The following ERP44 variants were observed in gnomAD, a reference collection of about 807,000 sequenced individuals.
ERP44 encodes the protein endoplasmic reticulum protein 44.
Under a neutral mutation model 53.4 loss-of-function variants are expected in ERP44, and 25 were observed. The ratio of observed to expected loss-of-function variants is 0.47; its 90% CI spans 0.34 to 0.65. The LOEUF is 0.65. Among genes scored for constraint, ERP44 ranks in the 30% least tolerant of loss-of-function variants. The pLI, the probability that ERP44 is intolerant of heterozygous loss-of-function variation, is 0.01. For missense variants in ERP44, 338 were observed against 493.2 expected, an observed-to-expected ratio of 0.69 and a Z score of 2.98; for synonymous variants, 145 against 161.2, an observed-to-expected ratio of 0.90 and a Z score of 0.76.
At chr9:99,994,367 C>G (rs1830287575) in intron 10 of ERP44, among the ~76,000 whole-genome samples, 1 of 152,084 alleles carries the variant, frequency 6.6e-6, no homozygotes, top group Admixed American at 6.5e-5. Context: ...ATGGATGAAG[C>G]TGGAAACCAT....
At chr9:100,076,003 C>T (rs1826351549) in intron 1 of ERP44, among the ~76,000 whole-genome samples, 1 of 152,102 alleles carries the variant, frequency 6.6e-6, no homozygotes, top group South Asian at 2.1e-4. Context: ...TTGTCAGGCC[C>T]CTATAGGTGA....
At chr9:100,038,115 T>A (rs1825862638) in intron 4 of ERP44, among the ~76,000 whole-genome samples, 1 of 152,076 alleles carries the variant, frequency 6.6e-6, no homozygotes, top group African/African-American at 2.4e-5. Context: ...TTAACGTGAG[T>A]ATATTAATGA....
chr9:100,005,870 T>C (rs1830420195), intron 10 of ERP44, among the ~76,000 whole-genome samples: 1 of 152,234 alleles, frequency 6.6e-6, no homozygotes. Context: ...AAACTTTTCG[T>C]ATAAGAAACA....
Position 99,982,914 on chromosome 9 carries a change from G to A in ERP44, c.1120-201C>T, listed in dbSNP as rs188802774. ...AAATGCTCTTATTGAGATTCTCCAG[G>A]GCAGGGTTGCCACAGGGCCATTAAC... On this transcript the variant is annotated intron_variant, in intron 11 of 11. Coordinates refer to ENST00000262455, the MANE Select transcript of ERP44 (RefSeq NM_015051.3). Among the ~76,000 whole-genome samples the A allele has an allele frequency of 3.7e-4, 56 of 152,180 alleles. No individual in the cohort carries two copies. In the East Asian group the frequency reaches 9.9e-3, roughly 27 times the overall value.
chr9:100,078,227 GA>G (rs1826380586), intron 1 of ERP44, among the ~76,000 whole-genome samples: 2 of 152,010 alleles, frequency 1.3e-5, no homozygotes, highest in Admixed American at 1.3e-4. Context: ...GGAGGCTGAG[GA>G]GGGCAGATCA....
chr9:99,988,178 T>G (rs530725714), intron 10 of ERP44, among the ~76,000 whole-genome samples: 2 of 152,228 alleles, frequency 1.3e-5, no homozygotes, highest in Non-Finnish European at 1.5e-5. Flanking sequence ...ATACTAATGA[T>G]GTTGAGCACC....
chr9:100,064,283 C>T (rs1312462083), intron 1 of ERP44, among the ~76,000 whole-genome samples: 1 of 151,992 alleles, frequency 6.6e-6, no homozygotes, highest in Non-Finnish European at 1.5e-5. Context: ...AAGAAACATT[C>T]AAATATGTAC....
chr9:100,033,125 G>T (rs1825810067), intron 4 of ERP44, among the ~76,000 whole-genome samples: 1 of 152,136 alleles, frequency 6.6e-6, no homozygotes, highest in African/African-American at 2.4e-5. Context: ...CTATTTGTAA[G>T]TATTCTTAAC....
intron 3 of ERP44, 50 bp from the exon 4 acceptor site, chr9:100,052,582 AATCTT>A (rs1380187147): frequency 9.1e-7 from 1 of 1,094,480 alleles, no homozygotes; most frequent in Non-Finnish European, 1.3e-6. Context: ...GAAGTAATAA[AATCTT>A]ATTTCCGTTA....
chr9:100,073,913 A>C (rs886219330), intron 1 of ERP44, among the ~76,000 whole-genome samples: 2 of 152,238 alleles, frequency 1.3e-5, no homozygotes, highest in African/African-American at 4.8e-5. Flanking sequence ...AATGCACAGT[A>C]GTATTTTCTA....
intron 10 of ERP44, among the ~76,000 whole-genome samples, chr9:99,993,297 C>T (rs1830275184): frequency 6.6e-6 from 1 of 152,206 alleles, no homozygotes; most frequent in Non-Finnish European, 1.5e-5. Context: ...CAGCATGGTA[C>T]TGGTACCAAA....
intron 4 of ERP44, among the ~76,000 whole-genome samples, chr9:100,045,027 G>A (rs918114415): frequency 5.9e-5 from 9 of 151,996 alleles, no homozygotes; most frequent in Non-Finnish European, 1.3e-4. Flanking sequence ...AAGCTGTATC[G>A]TCCTGGGTTC....
In ERP44 at chr9:100,098,999, A is replaced by G; in HGVS notation, c.-159T>C. ...CTCGACCCGGGCTCCAGCGGCGAAC[A>G]CCCGGGACAACTTCCAGAGAGGCCT... On this transcript the variant is annotated 5_prime_UTR_variant, in exon 1 of 12. Transcript: ENST00000262455. The G allele has an allele frequency of 1.7e-6, 1 of 604,540 alleles. No individual in the cohort carries two copies. Among genetic ancestry groups the G allele is most frequent in the Non-Finnish European group, 3.0e-6 (1 of 337,216 alleles). The allele number at this position is 604,540 out of a possible 1,614,324, so 37.4% of individuals were successfully genotyped here.
intron 3 of ERP44, 108 bp downstream of exon 3, chr9:100,057,712 G>T: frequency 1.3e-6 from 1 of 781,282 alleles, no homozygotes; most frequent in Non-Finnish European, 2.2e-6. Context: ...TTTATGTATG[G>T]AATACTGTCT....
chr9:100,060,251 G>T, intron 1 of ERP44, 79 bp from the exon 2 acceptor site: 1 of 1,302,460 alleles, frequency 7.7e-7, no homozygotes, highest in Admixed American at 4.1e-5. Flanking sequence ...AAAAATAAAT[G>T]TGTGATTCCA....
At position 100,022,211 on chromosome 9, in the gene ERP44, C is replaced by T. The variant is rs1370989638; in HGVS notation, c.302G>A (p.Arg101Lys). The change falls in exon 5 of 12, where the codon AGA (arginine) becomes AAA (lysine). Residue 101 changes from arginine (R) to lysine (K), a missense_variant. Around this residue, in one of 3 missense-constraint regions of ERP44, gnomAD observed 224 missense variants for 301.4 expected, o/e 0.74. Coordinates refer to ENST00000262455, the MANE Select transcript of ERP44 (RefSeq NM_015051.3). ...DCDQHSDIAQ[R>K]YRISKYPTLK... The stretch of plus-strand genomic sequence containing the variant: ...GGTTGGGTATTTGCTTATCCTGTAT[C>T]TCTGGGCTATGTCAGCTAAAAGAAT... 1.2e-6 allele frequency: 2 copies of T among 1,611,366 alleles called. No individual in the cohort carries two copies. The highest frequency in any genetic ancestry group is 2.2e-5 in the East Asian group (1 of 44,724).
intron 4 of ERP44, among the ~76,000 whole-genome samples, chr9:100,051,005 C>A (rs1037630480): frequency 6.6e-6 from 1 of 152,126 alleles, no homozygotes; most frequent in African/African-American, 2.4e-5. Flanking sequence ...AATGAGAACC[C>A]ACACCAAAAA....
chr9:100,034,063 G>A (rs1404130379), intron 4 of ERP44, among the ~76,000 whole-genome samples: 2 of 152,152 alleles, frequency 1.3e-5, no homozygotes, highest in Non-Finnish European at 1.5e-5. Context: ...ATGTTGCATA[G>A]GGGTTGGGTA....
chr9:100,085,901 A>G (rs1055102417), intron 1 of ERP44, among the ~76,000 whole-genome samples: 1 of 152,224 alleles, frequency 6.6e-6, no homozygotes, highest in Non-Finnish European at 1.5e-5. Context: ...CTCTGTCTCA[A>G]AAACAAAACA....
Sources: gnomAD v4.1 joint callset for allele counts (sites outside exome capture counted in the v4.1 genomes callset) on GRCh38, gnomAD v4.1.1 for gene constraint, gnomAD v4.1.1 regional missense constraint, MANE v1.5 for transcripts, NCBI Gene and HGNC (gene_info 2026-07-23, HGNC 2026-07-21) for gene names.